The following DCHS2 variants were observed in gnomAD, a reference collection of about 807,000 sequenced individuals.
DCHS2 encodes protocadherin-23.
In DCHS2, 142 loss-of-function variants were observed where a neutral mutation model predicts 182.4. That is an observed-to-expected ratio of 0.78 (90% confidence interval 0.68 to 0.89). The LOEUF is 0.89. Among genes scored for constraint, DCHS2 ranks in the 40% least tolerant of loss-of-function variants. The pLI, the probability that DCHS2 is intolerant of heterozygous loss-of-function variation, is 0.00. For synonymous variants in DCHS2, 1,740 were observed against 1,663.3 expected (o/e 1.05, Z -1.12); for missense variants, 4,319 against 4,198.6 (o/e 1.03, Z -0.79).
chr4:154,338,867 A>G (rs1020746680), intron 3 of DCHS2, among the ~76,000 whole-genome samples: 3 of 152,248 alleles, frequency 2.0e-5, no homozygotes, highest in Non-Finnish European at 4.4e-5. Context: ...TGAAAAAATA[A>G]TGTCAATACT....
chr4:154,397,095 G>A (rs1731961998), intron 1 of DCHS2, among the ~76,000 whole-genome samples: 1 of 152,094 alleles, frequency 6.6e-6, no homozygotes, highest in Non-Finnish European at 1.5e-5. Flanking sequence ...GGAAGCACAG[G>A]GGCATGTAAT....
At chr4:154,336,076 G>C (rs780737919) in intron 3 of DCHS2, among the ~76,000 whole-genome samples, 3 of 152,138 alleles carry the variant, frequency 2.0e-5, no homozygotes, top group Non-Finnish European at 4.4e-5. Flanking sequence ...AGACCGTGTA[G>C]GGTAGCTCTC....
chr4:154,313,868 C>T (rs1280313328), intron 10 of DCHS2, among the ~76,000 whole-genome samples: 1 of 152,114 alleles, frequency 6.6e-6, no homozygotes, highest in East Asian at 1.9e-4. Context: ...TACCTAAATT[C>T]TCAGTTGGCA....
chr4:154,397,116 A>T (rs547271324), intron 1 of DCHS2, among the ~76,000 whole-genome samples: 1 of 152,326 alleles, frequency 6.6e-6, no homozygotes, highest in South Asian at 2.1e-4. Context: ...ATAAGCTAAG[A>T]GCAGAAAAGG....
chr4:154,338,468 T>C (rs1728915597), intron 3 of DCHS2, among the ~76,000 whole-genome samples: 1 of 152,212 alleles, frequency 6.6e-6, no homozygotes, highest in African/African-American at 2.4e-5. Context: ...ACCTCATTTT[T>C]ACCTCTCTGT....
intron 1 of DCHS2, among the ~76,000 whole-genome samples, chr4:154,477,383 A>C (rs1275441247): frequency 2.6e-5 from 4 of 152,202 alleles, no homozygotes; most frequent in Non-Finnish European, 5.9e-5. Context: ...CAATGTATGA[A>C]TTTTGGAGAC....
intron 13 of DCHS2, among the ~76,000 whole-genome samples, chr4:154,293,555 AC>A (rs1014196266): frequency 6.6e-6 from 1 of 151,928 alleles, no homozygotes; most frequent in Non-Finnish European, 1.5e-5. Context: ...GGTATAAACA[AC>A]CCCCAGGCCT....
At chr4:154,266,895 A>C (rs917258889) in intron 14 of DCHS2, among the ~76,000 whole-genome samples, 23 of 152,058 alleles carry the variant, frequency 1.5e-4, no homozygotes, top group African/African-American at 5.6e-4. Flanking sequence ...TGACTCAAAA[A>C]TTTCTTCCTC....
Position 154,236,373 on chromosome 4 carries a change from A to G in DCHS2, c.8279T>C (p.Leu2760Pro). 6.2e-7 allele frequency: 1 copy of G among 1,614,102 alleles called. No individual in the cohort carries two copies. The highest frequency in any genetic ancestry group is 8.5e-7 in the Non-Finnish European group (1 of 1,179,982). Residue 2760 changes from leucine (L) to proline (P), a missense_variant, in exon 20 of 20, where the codon CTG (leucine) becomes CCG (proline). Coordinates refer to ENST00000357232, the MANE Select transcript of DCHS2 (RefSeq NM_001358235.2). ...FSFAVVFVSV[L>P]DDNDHAPQFM... is the part of the protein sequence containing the mutation. ...CTGAGGTGCATGGTCGTTATCATCCAGGACACTGACAAACACAACTGCAAA... is the reference window on the plus strand; with the variant it reads ...CTGAGGTGCATGGTCGTTATCATCCGGGACACTGACAAACACAACTGCAAA...
rs78216106 is a variant in DCHS2, at chr4:154,479,322, A to T, written c.2052+9982T>A. On this transcript the variant is annotated intron_variant, in intron 1 of 19. Coordinates refer to ENST00000357232, the MANE Select transcript of DCHS2 (RefSeq NM_001358235.2). ...AATGAACAGAGTCTCAAGGCCTCAGATCTAAAGGTCTAACATATGTATATT... is the reference window on the plus strand; with the variant it reads ...AATGAACAGAGTCTCAAGGCCTCAGTTCTAAAGGTCTAACATATGTATATT... Among the ~76,000 whole-genome samples, 766 of 152,262 alleles carry T rather than the reference A, an allele frequency of 5.0e-3. 5 individuals are homozygous for T. The highest frequency in any genetic ancestry group is 0.012 in the South Asian group (59 of 4,828).
intron 13 of DCHS2, chr4:154,272,087 T>C (rs1733627471): frequency 6.6e-6 from 1 of 152,200 alleles, no homozygotes; most frequent in African/African-American, 2.4e-5. Context: ...TGTTATTTTA[T>C]GTATAAAAAT....
At chr4:154,372,215 T>C (rs1423001844) in intron 2 of DCHS2, among the ~76,000 whole-genome samples, 2 of 152,118 alleles carry the variant, frequency 1.3e-5, no homozygotes, top group Non-Finnish European at 2.9e-5. Flanking sequence ...GGGCAACTGC[T>C]CATTCCTAGA....
intron 3 of DCHS2, among the ~76,000 whole-genome samples, chr4:154,359,140 C>CTTTAAAAAA (rs1730005025): frequency 6.6e-6 from 1 of 151,842 alleles, no homozygotes; most frequent in South Asian, 2.1e-4. Context: ...CTTTAAAAAA[C>CTTTAAAAAA]GTCATTAATT....
At chr4:154,322,017 A>G (rs1048650051) in intron 8 of DCHS2, among the ~76,000 whole-genome samples, 2 of 152,176 alleles carry the variant, frequency 1.3e-5, no homozygotes, top group Non-Finnish European at 2.9e-5. Context: ...CAGAGCCTTG[A>G]CATTAGAAAT....
At chr4:154,237,286 T>A in intron 19 of DCHS2, 127 bp from the exon 20 acceptor site, 1 of 1,246,548 alleles carries the variant, frequency 8.0e-7, no homozygotes, top group Non-Finnish European at 1.1e-6. Context: ...TAAGTCACAA[T>A]GAACAATGAC....
intron 16 of DCHS2, among the ~76,000 whole-genome samples, chr4:154,252,251 G>GTA (rs1348078982): frequency 1.3e-5 from 2 of 152,142 alleles, no homozygotes; most frequent in Non-Finnish European, 2.9e-5. Context: ...CATGCAATGT[G>GTA]TATCAATTAC....
chr4:154,366,311 T>C lies in DCHS2; in HGVS notation c.2375A>G (p.Asn792Ser). The C allele has an allele frequency of 6.2e-7, 1 of 1,613,828 alleles. No homozygotes were observed. The highest frequency in any genetic ancestry group is 8.5e-7 in the Non-Finnish European group (1 of 1,179,908). Residue 792 changes from asparagine to serine, a missense_variant, in exon 3 of 20, where the codon AAT becomes AGT. Asn to Ser is a conservative substitution (Grantham distance 46, BLOSUM62 1). Coordinates refer to ENST00000357232, the MANE Select transcript of DCHS2 (RefSeq NM_001358235.2). ...DETQPGTEII[N>S]VLATDQDSGI... ...AGAGTCCTGGTCAGTGGCAAGAACA[T>C]TGATGATCTCGGTGCCTGGCTGGGT...
rs773292278 is a variant in DCHS2, at chr4:154,329,621, G to A, written c.3820C>T (p.Arg1274Ter). 1.1e-5 allele frequency: 17 copies of A among 1,612,912 alleles called. No homozygotes were observed. Among genetic ancestry groups the A allele is most frequent in the Middle Eastern group, 1.9e-4 (1 of 5,242 alleles). Reference sequence around the variant, plus strand: ...ACGTAAACCGCCATGGTGGCGTTTCGTGGTGGGGAGCCGCGGTCTGTCACT... The same window carrying A: ...ACGTAAACCGCCATGGTGGCGTTTCATGGTGGGGAGCCGCGGTCTGTCACT... ...VLVTDRGSPP[R>*]NATMAVYVSV... is the part of the protein sequence containing the mutation. Residue 1274 changes from arginine to a stop codon, truncating the protein, a stop_gained, in exon 6 of 20, where the codon CGA (arginine) becomes TGA (stop). Transcript: ENST00000357232. LOFTEE classifies it high-confidence loss of function.
chr4:154,310,017 C>T (rs1561031433), intron 10 of DCHS2, among the ~76,000 whole-genome samples: 1 of 152,162 alleles, frequency 6.6e-6, no homozygotes, highest in Non-Finnish European at 1.5e-5. Context: ...CTAAAATTAA[C>T]CTCCCTGAAG....
Sources: gnomAD v4.1 joint callset for allele counts (sites outside exome capture counted in the v4.1 genomes callset) on GRCh38, gnomAD v4.1.1 for gene constraint, MANE v1.5 for transcripts, NCBI Gene and HGNC (gene_info 2026-07-23, HGNC 2026-07-21) for gene names.